Variants in AQP9 observed in about 807,000 individuals in gnomAD.
AQP9 encodes the protein aquaporin 9.
A neutral mutation model predicts 23.8 loss-of-function variants in AQP9; 19 were observed. The observed-to-expected ratio is 0.80, with a 90% confidence interval of 0.56 to 1.17. The LOEUF is 1.17. Ranked by LOEUF, AQP9 falls within the 50% of genes most tolerant of loss-of-function variation. AQP9 has a pLI of 0.00. For synonymous variants in AQP9, 153 were observed against 131.5 expected (o/e 1.16, Z -1.12); for missense variants, 413 against 362.0 (o/e 1.14, Z -1.14).
Position 58,173,085 on chromosome 15 carries a change from G to A in AQP9, c.256G>A (p.Ala86Thr). 6.2e-7 allele frequency: 1 copy of A among 1,614,016 alleles called. No homozygotes were observed. Among genetic ancestry groups the A allele is most frequent in the Non-Finnish European group, 8.5e-7 (1 of 1,179,894 alleles). Residue 86 changes from alanine (A) to threonine (T), a missense_variant, in exon 3 of 6, where the codon GCT becomes ACT. Ala to Thr is a moderately conservative substitution (Grantham distance 58, BLOSUM62 0). Coordinates refer to ENST00000219919, the MANE Select transcript of AQP9 (RefSeq NM_020980.5). ...CCTTGCAGGTGGTCACATCAACCCAGCTGTGTCTTTAGCAATGTGTCTCTT... is the reference window on the plus strand; with the variant it reads ...CCTTGCAGGTGGTCACATCAACCCAACTGTGTCTTTAGCAATGTGTCTCTT... ...GGVSGGHINP[A>T]VSLAMCLFGR...
intron 1 of AQP9, among the ~76,000 whole-genome samples, chr15:58,149,430 G>T (rs1027223802): frequency 6.6e-6 from 1 of 152,142 alleles, no homozygotes; most frequent in Non-Finnish European, 1.5e-5. Context: ...GCCCCAGCAC[G>T]TACCACTTAT....
At chr15:58,149,597 AGTT>A (rs1898111282) in intron 1 of AQP9, among the ~76,000 whole-genome samples, 1 of 152,220 alleles carries the variant, frequency 6.6e-6, no homozygotes, top group African/African-American at 2.4e-5. Context: ...AATATAGATT[AGTT>A]GTTATTGGTA....
At chr15:58,167,628 C>A (rs1233267938) in intron 2 of AQP9, among the ~76,000 whole-genome samples, 1 of 152,204 alleles carries the variant, frequency 6.6e-6, no homozygotes, top group Non-Finnish European at 1.5e-5. Flanking sequence ...GGAAGCCCTG[C>A]AGCTGGTAAA....
chr15:58,156,232 A>C (rs1176455682), intron 1 of AQP9, among the ~76,000 whole-genome samples: 2 of 152,210 alleles, frequency 1.3e-5, no homozygotes, highest in Non-Finnish European at 2.9e-5. Context: ...TTTAACTGCT[A>C]TGTCAGTATT....
intron 2 of AQP9, among the ~76,000 whole-genome samples, chr15:58,168,497 G>A (rs1566987858): frequency 6.6e-6 from 1 of 152,092 alleles, no homozygotes; most frequent in Non-Finnish European, 1.5e-5. Flanking sequence ...GGAGCTCCTT[G>A]GGCTGTGCAT....
intron 1 of AQP9, among the ~76,000 whole-genome samples, chr15:58,149,560 A>G (rs772469511): frequency 2.0e-5 from 3 of 152,242 alleles, no homozygotes; most frequent in African/African-American, 7.2e-5. Flanking sequence ...TAATGCATGG[A>G]AAGTGCTCAA....
chr15:58,175,776 C>A (rs529288588), intron 4 of AQP9, among the ~76,000 whole-genome samples: 1 of 152,336 alleles, frequency 6.6e-6, no homozygotes, highest in South Asian at 2.1e-4. Flanking sequence ...TAAAATGGAT[C>A]TTCCAGTTCA....
At chr15:58,180,356 C>T (rs1898856661) in intron 5 of AQP9, among the ~76,000 whole-genome samples, 1 of 152,162 alleles carries the variant, frequency 6.6e-6, no homozygotes, top group African/African-American at 2.4e-5. Context: ...GTTTGGCCTG[C>T]ATTTCACCAG....
At chr15:58,159,822 A>G (rs1217724444) in intron 1 of AQP9, among the ~76,000 whole-genome samples, 1 of 152,184 alleles carries the variant, frequency 6.6e-6, no homozygotes, top group African/African-American at 2.4e-5. Context: ...TCACATTGCT[A>G]CAAATGACAG....
intron 3 of AQP9, among the ~76,000 whole-genome samples, chr15:58,174,502 A>C (rs1898695308): frequency 6.6e-6 from 1 of 152,158 alleles, no homozygotes; most frequent in Non-Finnish European, 1.5e-5. Context: ...GGGCATCTTC[A>C]GTATACTGCA....
At chr15:58,165,811 T>C (rs1237417661) in intron 1 of AQP9, among the ~76,000 whole-genome samples, 1 of 152,200 alleles carries the variant, frequency 6.6e-6, no homozygotes, top group Non-Finnish European at 1.5e-5. Flanking sequence ...ACTATCATAC[T>C]TCACTGTGCA....
At chr15:58,177,145 T>A (rs567875500) in intron 4 of AQP9, among the ~76,000 whole-genome samples, 1 of 152,344 alleles carries the variant, frequency 6.6e-6, no homozygotes, top group African/African-American at 2.4e-5. Context: ...TTGGCCATCA[T>A]GACCATATTT....
At chr15:58,148,987 T>C (rs1249334439) in intron 1 of AQP9, among the ~76,000 whole-genome samples, 1 of 152,224 alleles carries the variant, frequency 6.6e-6, no homozygotes, top group Non-Finnish European at 1.5e-5. Context: ...TCTGTCAGGC[T>C]GCATGCCACC....
chr15:58,171,746 T>G (rs1475122472), intron 2 of AQP9, among the ~76,000 whole-genome samples: 1 of 152,196 alleles, frequency 6.6e-6, no homozygotes, highest in Non-Finnish European at 1.5e-5. Context: ...AAGTCCATTT[T>G]GCCCTGGAGA....
chr15:58,156,714 C>T (rs1898268702), intron 1 of AQP9, among the ~76,000 whole-genome samples: 1 of 152,138 alleles, frequency 6.6e-6, no homozygotes, highest in Non-Finnish European at 1.5e-5. Flanking sequence ...AACTCAGGGC[C>T]TCATTCCCCT....
intron 2 of AQP9, among the ~76,000 whole-genome samples, chr15:58,169,863 T>C (rs1324181808): frequency 2.0e-5 from 3 of 152,168 alleles, no homozygotes; most frequent in Admixed American, 6.5e-5. Flanking sequence ...AATAAACTTA[T>C]TGAAAAAGCA....
chr15:58,183,996 G>A lies in AQP9; in HGVS notation c.749G>A (p.Gly250Asp), dbSNP rs767955949. Residue 250 changes from glycine to aspartate, a missense_variant, in exon 6 of 6, where the codon GGC (glycine) becomes GAC (aspartate). By Grantham distance (94) the Gly-to-Asp change is moderately conservative. Coordinates refer to ENST00000219919, the MANE Select transcript of AQP9 (RefSeq NM_020980.5). ...GNNFWWIPVVGPLVGAVIGGL... is the reference protein window; with the variant it reads ...GNNFWWIPVVDPLVGAVIGGL... Reference sequence around the variant, plus strand: ...AACTTCTGGTGGATTCCTGTAGTGGGCCCTTTGGTTGGTGCTGTCATTGGA... The same window carrying A: ...AACTTCTGGTGGATTCCTGTAGTGGACCCTTTGGTTGGTGCTGTCATTGGA... 2 of 1,614,082 alleles carry A rather than the reference G, an allele frequency of 1.2e-6. No homozygotes were observed. Among genetic ancestry groups the A allele is most frequent in the Non-Finnish European group, 1.7e-6 (2 of 1,179,988 alleles).
chr15:58,145,413 G>T (rs1898027168), intron 1 of AQP9, among the ~76,000 whole-genome samples: 1 of 151,284 alleles, frequency 6.6e-6, no homozygotes, highest in Admixed American at 6.6e-5. Context: ...TGAGGCAGGA[G>T]AATTGCTTGA....
chr15:58,181,171 G>A (rs1898880857), intron 5 of AQP9, among the ~76,000 whole-genome samples: 3 of 152,186 alleles, frequency 2.0e-5, no homozygotes, highest in Admixed American at 1.3e-4. Context: ...GAGAACTCAC[G>A]TGAAGGAAAA....
Sources: gnomAD v4.1 joint callset for allele counts (sites outside exome capture counted in the v4.1 genomes callset) on GRCh38, gnomAD v4.1.1 for gene constraint, MANE v1.5 for transcripts, NCBI Gene and HGNC (gene_info 2026-07-23, HGNC 2026-07-21) for gene names.